DLGAP2: variants seen among roughly 807,000 people sequenced by gnomAD.
DLGAP2 encodes the protein DLG associated protein 2.
DLGAP2 carries 26 observed loss-of-function variants against 100.3 expected under a neutral mutation model. The ratio of observed to expected loss-of-function variants is 0.26; its 90% CI spans 0.19 to 0.36. DLGAP2 has a LOEUF of 0.36. DLGAP2 is among the 10% of genes least tolerant of loss of function. The probability of loss-of-function intolerance (pLI) is 1.00; values close to 1 mark genes in which losing one functional copy is unlikely to be tolerated. For missense variants in DLGAP2, 1,858 were observed against 1,453.2 expected (o/e 1.28, Z -4.53); for synonymous variants, 886 against 630.1 (o/e 1.41, Z -6.08).
At chr8:1,508,828 C>T (rs1228068707) in intron 4 of DLGAP2, among the ~76,000 whole-genome samples, 1 of 151,664 alleles carries the variant, frequency 6.6e-6, no homozygotes, top group Admixed American at 6.6e-5. Context: ...AAGACGGGGC[C>T]AGGCTCGGGC....
At chr8:1,431,927 C>T (rs1249293597) in intron 3 of DLGAP2, among the ~76,000 whole-genome samples, 1 of 151,536 alleles carries the variant, frequency 6.6e-6, no homozygotes, top group African/African-American at 2.4e-5. Context: ...TGAACCCTGC[C>T]GGCACCCAGC....
intron 3 of DLGAP2, among the ~76,000 whole-genome samples, chr8:1,350,249 G>A (rs541274447): frequency 1.1e-4 from 12 of 112,730 alleles, no homozygotes; most frequent in African/African-American, 3.5e-4. Flanking sequence ...AAGGCCGTGC[G>A]GGTCCTGAGC....
At chr8:1,656,077 A>G (rs1029489809) in intron 8 of DLGAP2, among the ~76,000 whole-genome samples, 2 of 152,194 alleles carry the variant, frequency 1.3e-5, no homozygotes, top group African/African-American at 4.8e-5. Context: ...TAATCCCAGC[A>G]CTTTGGGAGG....
intron 2 of DLGAP2, among the ~76,000 whole-genome samples, chr8:933,267 C>G (rs1230701657): frequency 6.6e-6 from 1 of 152,250 alleles, no homozygotes; most frequent in Non-Finnish European, 1.5e-5. Context: ...TTAGGGAGCC[C>G]TCTGTCCTGG....
chr8:874,416 C>T (rs4735947), intron 1 of DLGAP2, among the ~76,000 whole-genome samples: 136,712 of 152,006 alleles, frequency 0.9, 61,963 homozygotes, highest in African/African-American at 0.97. Context: ...TTTTCAGTAA[C>T]CTCAAAGTAT....
At chr8:1,449,696 T>G (rs918792599) in intron 3 of DLGAP2, among the ~76,000 whole-genome samples, 1 of 152,154 alleles carries the variant, frequency 6.6e-6, no homozygotes, top group Non-Finnish European at 1.5e-5. Flanking sequence ...GCAGGGGGTG[T>G]GCAGATGACA....
intron 3 of DLGAP2, among the ~76,000 whole-genome samples, chr8:1,308,300 C>T (rs1027879659): frequency 1.3e-5 from 2 of 152,150 alleles, no homozygotes; most frequent in Non-Finnish European, 2.9e-5. Context: ...ACAGAGACTC[C>T]AGTGACTGCA....
intron 3 of DLGAP2, among the ~76,000 whole-genome samples, chr8:1,439,049 G>C (rs1201080465): frequency 6.6e-6 from 1 of 152,214 alleles, no homozygotes; most frequent in African/African-American, 2.4e-5. Flanking sequence ...CTTCAGTGTA[G>C]AGTCAGACGA....
intron 5 of DLGAP2, among the ~76,000 whole-genome samples, chr8:1,552,911 C>G (rs986852713): frequency 2.6e-5 from 4 of 152,186 alleles, no homozygotes; most frequent in African/African-American, 9.7e-5. Flanking sequence ...TTTCACAAAG[C>G]TCTTGTTTTC....
At chr8:1,256,635 C>G (rs976077320) in intron 2 of DLGAP2, among the ~76,000 whole-genome samples, 1 of 146,572 alleles carries the variant, frequency 6.8e-6, no homozygotes, top group Non-Finnish European at 1.5e-5. Flanking sequence ...GTCATGTCCG[C>G]GCCTCCTGCA....
At chr8:1,531,755 G>C (rs1225140687) in intron 4 of DLGAP2, among the ~76,000 whole-genome samples, 1 of 151,996 alleles carries the variant, frequency 6.6e-6, no homozygotes, top group African/African-American at 2.4e-5. Context: ...ACTAAATTTT[G>C]TTTCTCTCCT....
chr8:889,769 C>T (rs768569963), intron 1 of DLGAP2, among the ~76,000 whole-genome samples: 9 of 152,332 alleles, frequency 5.9e-5, no homozygotes, highest in Middle Eastern at 3.4e-3. Context: ...GACAGCAGGC[C>T]GCTGCAGCCA....
At chr8:1,613,949 A>G (rs1009828438) in intron 6 of DLGAP2, among the ~76,000 whole-genome samples, 1 of 152,186 alleles carries the variant, frequency 6.6e-6, no homozygotes, top group South Asian at 2.1e-4. Flanking sequence ...TCTATCAACT[A>G]TTCCCGGTAC....
At chr8:908,240 G>A (rs1007950677) in intron 2 of DLGAP2, among the ~76,000 whole-genome samples, 9 of 152,166 alleles carry the variant, frequency 5.9e-5, no homozygotes, top group Non-Finnish European at 4.4e-5. Flanking sequence ...AGGGAAACTG[G>A]TTGTCTTATA....
rs562844842 is a variant in DLGAP2 at position 1,392,918 on chromosome 8, C to G, written c.107-108448C>G. 2.9e-4 allele frequency among the ~76,000 whole-genome samples: 38 copies of G among 132,954 alleles called. 1 individual carries two copies. The highest frequency in any genetic ancestry group is 1.1e-3 in the African/African-American group (37 of 34,324). 87.2% of individuals were successfully genotyped at this position (132,954 alleles called of 152,430 possible). A position where few individuals can be genotyped will look rare whatever the true frequency, so the allele number is the denominator to read the frequency against. On this transcript the variant is annotated intron_variant, in intron 3 of 14. Coordinates refer to ENST00000637795, the MANE Select transcript of DLGAP2 (RefSeq NM_001346810.2). ...TTTTTTTGAGACGGAGTCTCTGTGACTCTTTTTTTACAACTATTCCCCCCA... is the reference window on the plus strand; with the variant it reads ...TTTTTTTGAGACGGAGTCTCTGTGAGTCTTTTTTTACAACTATTCCCCCCA...
chr8:1,625,427 ACG>A (rs1196752405), intron 6 of DLGAP2, among the ~76,000 whole-genome samples: 2 of 152,218 alleles, frequency 1.3e-5, no homozygotes, highest in Admixed American at 1.3e-4. Context: ...ATTTCACAAA[ACG>A]GCGAGAAGGA....
chr8:823,549 A>G (rs1045723999), intron 1 of DLGAP2, among the ~76,000 whole-genome samples: 1 of 152,082 alleles, frequency 6.6e-6, no homozygotes, highest in African/African-American at 2.4e-5. Context: ...GAGACCCTTG[A>G]CTTCCGTCAG....
intron 2 of DLGAP2, among the ~76,000 whole-genome samples, chr8:1,075,281 G>A (rs1190969597): frequency 6.6e-6 from 1 of 152,174 alleles, no homozygotes; most frequent in African/African-American, 2.4e-5. Flanking sequence ...GTGAGGGAAG[G>A]AAAAGTTGAG....
chr8:1,055,059 C>A (rs1802837417), intron 2 of DLGAP2, among the ~76,000 whole-genome samples: 1 of 152,196 alleles, frequency 6.6e-6, no homozygotes, highest in Non-Finnish European at 1.5e-5. Context: ...TTACGACGCA[C>A]ATTTAAGATG....
Sources: allele counts gnomAD v4.1 joint callset (sites outside exome capture counted in the v4.1 genomes callset), GRCh38; gene constraint gnomAD v4.1.1; transcripts MANE v1.5; gene names NCBI Gene and HGNC (gene_info 2026-07-23, HGNC 2026-07-21).